Variants in FAM174A observed in about 807,000 individuals in gnomAD.
The protein encoded by FAM174A is family with sequence similarity 174 member A, also known as membrane protein FAM174A.
A neutral mutation model predicts 14.3 loss-of-function variants in FAM174A; 14 were observed. The ratio of observed to expected loss-of-function variants is 0.98; its 90% CI spans 0.65 to 1.53. The LOEUF (loss-of-function observed/expected upper bound fraction) is 1.53. Among genes scored for constraint, FAM174A ranks in the 40% most tolerant of loss-of-function variants. The pLI, the probability that FAM174A is intolerant of heterozygous loss-of-function variation, is 0.00. For synonymous variants in FAM174A, 108 were observed against 111.4 expected, an observed-to-expected ratio of 0.97 and a Z score of 0.19; for missense variants, 241 against 249.6, an observed-to-expected ratio of 0.97 and a Z score of 0.23.
chr5:100,556,438 T>G (rs1209489177), intron 1 of FAM174A, among the ~76,000 whole-genome samples: 1 of 152,178 alleles, frequency 6.6e-6, no homozygotes, highest in Non-Finnish European at 1.5e-5. Flanking sequence ...CTTTTTTGGT[T>G]CCATATGAAC....
chr5:100,570,261 G>C (rs558243185), intron 2 of FAM174A, among the ~76,000 whole-genome samples: 3 of 151,780 alleles, frequency 2.0e-5, no homozygotes, highest in South Asian at 4.2e-4. Flanking sequence ...ATTTTTTTCG[G>C]TAATGAGATA....
In FAM174A at chr5:100,562,125, C is replaced by T. The variant is rs1471237015; in HGVS notation, c.506C>T (p.Thr169Ile). 6.3e-7 allele frequency: 1 copy of T among 1,585,904 alleles called. No individual in the cohort carries two copies. The highest frequency in any genetic ancestry group is 8.6e-7 in the Non-Finnish European group (1 of 1,168,258). ...ACTAACATAGAAAATATGGAATTGACACCTTTAGAACAGGATGATGAGGAT... is the reference window on the plus strand; with the variant it reads ...ACTAACATAGAAAATATGGAATTGATACCTTTAGAACAGGATGATGAGGAT... ...LDTNIENMEL[T>I]PLEQDDEDDD... Residue 169 changes from threonine to isoleucine, a missense_variant, in exon 2 of 3, where the codon ACA becomes ATA. Physicochemically the swap from Thr to Ile is moderately conservative, Grantham distance 89 (BLOSUM62 -1). Coordinates refer to ENST00000312637, the MANE Select transcript of FAM174A (RefSeq NM_198507.3).
intron 2 of FAM174A, among the ~76,000 whole-genome samples, chr5:100,573,864 G>C (rs549828591): frequency 6.6e-6 from 1 of 151,652 alleles, no homozygotes; most frequent in African/African-American, 2.4e-5. Context: ...CATGGTACTG[G>C]TACCAAAACA....
At chr5:100,537,333 A>T (rs1745961492) in intron 1 of FAM174A, among the ~76,000 whole-genome samples, 1 of 152,174 alleles carries the variant, frequency 6.6e-6, no homozygotes, top group South Asian at 2.1e-4. Context: ...TGGAAATAAG[A>T]ATCTAAATGT....
At chr5:100,554,279 A>G (rs974086176) in intron 1 of FAM174A, among the ~76,000 whole-genome samples, 3 of 151,090 alleles carry the variant, frequency 2.0e-5, no homozygotes, top group African/African-American at 7.3e-5. Context: ...AAAAGCACCA[A>G]TAGTAAACTA....
At chr5:100,565,540 G>A (rs1465241046) in intron 2 of FAM174A, among the ~76,000 whole-genome samples, 1 of 151,762 alleles carries the variant, frequency 6.6e-6, no homozygotes, top group Non-Finnish European at 1.5e-5. Context: ...CTCTGTTGGT[G>A]GGAATGTAAG....
chr5:100,537,520 T>G (rs1456664764), intron 1 of FAM174A, among the ~76,000 whole-genome samples: 1 of 152,162 alleles, frequency 6.6e-6, no homozygotes, highest in Non-Finnish European at 1.5e-5. Flanking sequence ...TTATTTTGGG[T>G]TCCTGAACAA....
chr5:100,553,813 A>C (rs1455852468), intron 1 of FAM174A, among the ~76,000 whole-genome samples: 2 of 152,186 alleles, frequency 1.3e-5, no homozygotes, highest in Non-Finnish European at 2.9e-5. Context: ...CAGATAGGGA[A>C]AATAGTATTA....
chr5:100,556,893 G>A (rs998842421), intron 1 of FAM174A, among the ~76,000 whole-genome samples: 3 of 152,058 alleles, frequency 2.0e-5, no homozygotes, highest in African/African-American at 7.2e-5. Flanking sequence ...TGCAAACAGG[G>A]GCAATTTGAC....
At chr5:100,554,216 T>C (rs1397855783) in intron 1 of FAM174A, among the ~76,000 whole-genome samples, 3 of 151,808 alleles carry the variant, frequency 2.0e-5, no homozygotes, top group Non-Finnish European at 4.4e-5. Context: ...TCTTATGTAA[T>C]CACTTTTTAA....
At chr5:100,541,252 T>C (rs1367211683) in intron 1 of FAM174A, among the ~76,000 whole-genome samples, 1 of 152,194 alleles carries the variant, frequency 6.6e-6, no homozygotes, top group Admixed American at 6.5e-5. Context: ...GGTAATAAAC[T>C]AAACTTTTGG....
chr5:100,537,429 T>C (rs1745963319), intron 1 of FAM174A, among the ~76,000 whole-genome samples: 1 of 152,208 alleles, frequency 6.6e-6, no homozygotes, highest in Non-Finnish European at 1.5e-5. Flanking sequence ...TACTATTATT[T>C]TAAATCAGTT....
At chr5:100,543,793 G>A (rs1044401185) in intron 1 of FAM174A, among the ~76,000 whole-genome samples, 2 of 152,044 alleles carry the variant, frequency 1.3e-5, no homozygotes, top group African/African-American at 2.4e-5. Flanking sequence ...TTTTATGCAA[G>A]TACATTTTTC....
At chr5:100,540,434 A>G (rs984689108) in intron 1 of FAM174A, among the ~76,000 whole-genome samples, 9 of 152,180 alleles carry the variant, frequency 5.9e-5, no homozygotes, top group African/African-American at 2.2e-4. Context: ...CTCCTTGGAA[A>G]GTGGAGTTTT....
chr5:100,535,463 T>C lies in FAM174A; in HGVS notation c.-68T>C, dbSNP rs1687071159. The C allele has an allele frequency of 3.9e-6, 6 of 1,554,618 alleles. No homozygotes were observed. Among genetic ancestry groups the C allele is most frequent in the Non-Finnish European group, 5.3e-6 (6 of 1,136,918 alleles). On this transcript the variant is annotated 5_prime_UTR_variant, in exon 1 of 3. It removes an upstream start codon present in the reference 5' UTR. Transcript: ENST00000312637. ...TCTGCTTCATTCTCCACCGCGCCTA[T>C]GGTCCCTCTTGGAGCCAGCGTGGCG...
chr5:100,563,190 A>G (rs932616934), intron 2 of FAM174A, among the ~76,000 whole-genome samples: 4 of 151,876 alleles, frequency 2.6e-5, no homozygotes, highest in African/African-American at 9.7e-5. Flanking sequence ...TGAATTATAC[A>G]TTTTAATAGT....
intron 1 of FAM174A, among the ~76,000 whole-genome samples, chr5:100,547,636 A>G (rs941929791): frequency 1.3e-5 from 2 of 152,128 alleles, no homozygotes; most frequent in African/African-American, 2.4e-5. Flanking sequence ...TGATTGGTTT[A>G]TTCAAAGTGG....
chr5:100,551,816 C>T (rs1455185130), intron 1 of FAM174A, among the ~76,000 whole-genome samples: 3 of 152,064 alleles, frequency 2.0e-5, no homozygotes, highest in Non-Finnish European at 4.4e-5. Context: ...GTTCACATGG[C>T]GTTCTGCCTG....
intron 2 of FAM174A, among the ~76,000 whole-genome samples, chr5:100,565,566 T>A (rs780211134): frequency 1.3e-5 from 2 of 151,866 alleles, no homozygotes; most frequent in East Asian, 3.9e-4. Flanking sequence ...ACAGCTGTTA[T>A]GGAAAGCAGT....
Sources: gnomAD v4.1 joint callset for allele counts (sites outside exome capture counted in the v4.1 genomes callset) on GRCh38, gnomAD v4.1.1 for gene constraint, MANE v1.5 for transcripts, NCBI Gene and HGNC (gene_info 2026-07-23, HGNC 2026-07-21) for gene names.